KLHL32: variants seen among roughly 807,000 people sequenced by gnomAD.
The protein encoded by KLHL32 is kelch like family member 32.
KLHL32 carries 35 observed loss-of-function variants against 64.8 expected under a neutral mutation model. The ratio of observed to expected loss-of-function variants is 0.54; its 90% CI spans 0.41 to 0.72. The LOEUF (loss-of-function observed/expected upper bound fraction) is 0.72. Ranked by LOEUF, KLHL32 falls within the 30% of genes least tolerant of loss-of-function variation. The probability of loss-of-function intolerance (pLI) is 0.00; values close to 1 mark genes in which losing one functional copy is unlikely to be tolerated. For missense variants in KLHL32, 589 were observed against 768.5 expected, an observed-to-expected ratio of 0.77 and a Z score of 2.76; for synonymous variants, 259 against 281.0, an observed-to-expected ratio of 0.92 and a Z score of 0.78.
chr6:96,907,854 C>T, the KLHL32 span, among the ~76,000 whole-genome samples: 1 of 152,216 alleles, frequency 6.6e-6, no homozygotes. Flanking sequence ...CCCCTCAAAT[C>T]AAAGTTCTGC....
upstream of KLHL32, among the ~76,000 whole-genome samples, chr6:96,920,307 A>T (rs1029725372): frequency 6.6e-6 from 1 of 152,230 alleles, no homozygotes; most frequent in Non-Finnish European, 1.5e-5. Flanking sequence ...ACTAAGACCT[A>T]TACAACTGTT....
At chr6:96,954,157 A>G (rs1457204885) in intron 1 of KLHL32, among the ~76,000 whole-genome samples, 1 of 152,038 alleles carries the variant, frequency 6.6e-6, no homozygotes, top group Admixed American at 6.5e-5. Context: ...AACATCCTCT[A>G]ATAACTTCCT....
intron 1 of KLHL32, among the ~76,000 whole-genome samples, chr6:96,948,965 GA>G (rs1336235592): frequency 1.3e-5 from 2 of 152,096 alleles, no homozygotes; most frequent in African/African-American, 4.8e-5. Flanking sequence ...TCCGACTTTA[GA>G]ATCTTTTTTA....
intron 2 of KLHL32, among the ~76,000 whole-genome samples, chr6:96,974,815 C>G (rs1218540051): frequency 6.6e-6 from 1 of 152,210 alleles, no homozygotes; most frequent in East Asian, 1.9e-4. Flanking sequence ...CTCTGGCTCC[C>G]CTGAGAAACT....
At chr6:96,947,364 A>G (rs1229591759) in intron 1 of KLHL32, among the ~76,000 whole-genome samples, 1 of 152,176 alleles carries the variant, frequency 6.6e-6, no homozygotes, top group East Asian at 1.9e-4. Flanking sequence ...GCTCAAATAA[A>G]CTGTTATATT....
intron 3 of KLHL32, among the ~76,000 whole-genome samples, chr6:97,006,264 C>A (rs76514170): frequency 0.017 from 2,658 of 152,156 alleles, 29 homozygotes; most frequent in East Asian, 0.07. Flanking sequence ...AGGTAATGCT[C>A]TTCTTTGTCT....
intron 1 of KLHL32, among the ~76,000 whole-genome samples, chr6:96,943,962 C>T (rs1385594436): frequency 6.6e-6 from 1 of 152,178 alleles, no homozygotes; most frequent in Non-Finnish European, 1.5e-5. Context: ...TTGTACAAAA[C>T]TCTCAGGACA....
intron 10 of KLHL32, among the ~76,000 whole-genome samples, chr6:97,133,266 G>A (rs1799636127): frequency 6.6e-6 from 1 of 152,218 alleles, no homozygotes; most frequent in Non-Finnish European, 1.5e-5. Flanking sequence ...CAGCATATGA[G>A]CAGCCCAGGC....
At chr6:97,053,592 T>C (rs1272115457) in intron 4 of KLHL32, among the ~76,000 whole-genome samples, 1 of 152,172 alleles carries the variant, frequency 6.6e-6, no homozygotes, top group Non-Finnish European at 1.5e-5. Flanking sequence ...TTATATGTTA[T>C]CTTTCTGCTT....
the KLHL32 span, among the ~76,000 whole-genome samples, chr6:96,913,785 C>T: frequency 6.6e-6 from 1 of 152,190 alleles, no homozygotes; most frequent in Non-Finnish European, 1.5e-5. Context: ...ATAACTAGGG[C>T]TCTCCTCCTG....
intron 1 of KLHL32, among the ~76,000 whole-genome samples, chr6:96,946,275 A>G (rs937303521): frequency 6.6e-6 from 1 of 152,200 alleles, no homozygotes; most frequent in African/African-American, 2.4e-5. Context: ...TTCTGGTAAA[A>G]GAATTTTTTA....
In KLHL32 at chr6:97,036,716, G is replaced by A. The variant is rs563023890; in HGVS notation, c.205-4776G>A. 5.3e-5 allele frequency among the ~76,000 whole-genome samples: 8 copies of A among 152,346 alleles called. No individual in the cohort carries two copies. In the South Asian group the frequency reaches 1.7e-3, roughly 32 times the overall value. On this transcript the variant is annotated intron_variant, in intron 3 of 10. Coordinates refer to ENST00000369261, the MANE Select transcript of KLHL32 (RefSeq NM_052904.4). ...ATGGTGCATGGGGGTGCCAGGTCCT[G>A]GTGCAGGTGTAAGACAAGTGACATC...
intron 3 of KLHL32, among the ~76,000 whole-genome samples, chr6:97,040,884 A>T (rs1454629096): frequency 3.3e-5 from 5 of 152,168 alleles, no homozygotes. Flanking sequence ...TGCCTTGTGA[A>T]AAAGGTGCCT....
At chr6:97,043,957 A>C (rs926255538) in intron 4 of KLHL32, among the ~76,000 whole-genome samples, 4 of 151,594 alleles carry the variant, frequency 2.6e-5, no homozygotes, top group Non-Finnish European at 5.9e-5. Flanking sequence ...AGATTGCTTT[A>C]ACTATTCGAG....
intron 3 of KLHL32, among the ~76,000 whole-genome samples, chr6:97,020,358 T>C (rs1781823409): frequency 6.6e-6 from 1 of 150,902 alleles, no homozygotes; most frequent in African/African-American, 2.5e-5. Context: ...GAGATGAAAA[T>C]AATGATTACC....
chr6:97,039,473 G>GTGTT (rs1295027045), intron 3 of KLHL32, among the ~76,000 whole-genome samples: 1 of 152,118 alleles, frequency 6.6e-6, no homozygotes, highest in Non-Finnish European at 1.5e-5. Flanking sequence ...ATAAGAGCTA[G>GTGTT]TGTTAGATCA....
intron 1 of KLHL32, among the ~76,000 whole-genome samples, chr6:96,958,480 A>G (rs940010318): frequency 1.3e-5 from 2 of 152,204 alleles, no homozygotes; most frequent in Non-Finnish European, 2.9e-5. Flanking sequence ...AGGGGAGAGA[A>G]CAATTGAGTG....
At chr6:97,112,432 T>C (rs1052500284) in intron 6 of KLHL32, among the ~76,000 whole-genome samples, 13 of 152,112 alleles carry the variant, frequency 8.5e-5, no homozygotes, top group African/African-American at 3.1e-4. Flanking sequence ...AAATGAATTG[T>C]GGTTTTTTCA....
chr6:97,027,585 A>T (rs1782916731), intron 3 of KLHL32, among the ~76,000 whole-genome samples: 1 of 152,224 alleles, frequency 6.6e-6, no homozygotes, highest in South Asian at 2.1e-4. Flanking sequence ...GAAAAGGGAG[A>T]CAGTGTGAAA....
Sources: allele counts gnomAD v4.1 joint callset (sites outside exome capture counted in the v4.1 genomes callset), GRCh38; gene constraint gnomAD v4.1.1; transcripts MANE v1.5; gene names NCBI Gene and HGNC (gene_info 2026-07-23, HGNC 2026-07-21).